The following KYNU variants were observed in gnomAD, a reference collection of about 807,000 sequenced individuals.
KYNU encodes the protein kynureninase.
Under a neutral mutation model 59.2 loss-of-function variants are expected in KYNU, and 54 were observed. The ratio of observed to expected loss-of-function variants is 0.91; its 90% CI spans 0.73 to 1.14. KYNU has a LOEUF of 1.14. Ranked by LOEUF, KYNU falls within the 50% of genes most tolerant of loss-of-function variation. The pLI, the probability that KYNU is intolerant of heterozygous loss-of-function variation, is 0.00. For missense variants in KYNU, 567 were observed against 554.4 expected, an observed-to-expected ratio of 1.02 and a Z score of -0.23; for synonymous variants, 177 against 192.0, an observed-to-expected ratio of 0.92 and a Z score of 0.65.
intron 1 of KYNU, among the ~76,000 whole-genome samples, chr2:142,883,293 C>T (rs1681371277): frequency 6.8e-6 from 1 of 146,958 alleles, no homozygotes; most frequent in African/African-American, 2.5e-5. Flanking sequence ...CCCCGGGGTT[C>T]ACGCCATTCT....
chr2:142,957,758 AT>A (rs1253900469), intron 7 of KYNU, 43 bp downstream of exon 7: 1 of 1,273,186 alleles, frequency 7.9e-7, no homozygotes, highest in African/African-American at 1.5e-5. Context: ...TTTGTTTAGT[AT>A]TGATTTTTTT....
At chr2:142,979,994 T>A (rs1007825455) in intron 8 of KYNU, among the ~76,000 whole-genome samples, 1 of 152,070 alleles carries the variant, frequency 6.6e-6, no homozygotes, top group African/African-American at 2.4e-5. Flanking sequence ...TGGTTGCCCA[T>A]TTTTATGGTT....
intron 2 of KYNU, among the ~76,000 whole-genome samples, chr2:142,898,119 A>T (rs1053988801): frequency 1.3e-5 from 2 of 152,152 alleles, no homozygotes; most frequent in Admixed American, 1.3e-4. Context: ...GGCTCAAGTG[A>T]TCTGCCCACC....
chr2:143,017,434 CTTTTTTTTTTT>C (rs1184177776), intron 10 of KYNU, among the ~76,000 whole-genome samples: 2 of 68,448 alleles, frequency 2.9e-5, no homozygotes, highest in African/African-American at 1.2e-4. Context: ...TCTCTTTTTT[CTTTTTTTTTTT>C]TTTTTTTTTT....
intron 10 of KYNU, among the ~76,000 whole-genome samples, chr2:143,004,195 A>G (rs189526): frequency 0.12 from 18,732 of 152,204 alleles, 1,317 homozygotes; most frequent in East Asian, 0.25. Context: ...GAGGGAATCT[A>G]ACTAATGTTT....
chr2:142,947,153 A>C, intron 4 of KYNU: 1 of 1,551,130 alleles, frequency 6.4e-7, no homozygotes, highest in Non-Finnish European at 8.7e-7. Flanking sequence ...AAATGACCTC[A>C]GTATGTGTAA....
At chr2:143,015,862 G>T (rs7573514) in intron 10 of KYNU, among the ~76,000 whole-genome samples, 2 of 152,024 alleles carry the variant, frequency 1.3e-5, no homozygotes, top group African/African-American at 2.4e-5. Flanking sequence ...CAGAACGTCA[G>T]TTTCAACAGT....
Position 142,927,715 on chromosome 2 carries a change from TTGTAGGCCTTA to T in KYNU, c.350_360del (p.Val117GlufsTer8). The T allele has an allele frequency of 6.2e-7, 1 of 1,612,248 alleles. No individual in the cohort carries two copies. ...CCTTGGATTACAGGAGATGAGAGTA[TTGTAGGCCTTA>T]TGAAGGACATTGTAGGTAAGTACAA... On this transcript the variant is annotated frameshift_variant, in exon 4 of 14. Transcript: ENST00000264170. LOFTEE classifies it high-confidence loss of function.
intron 7 of KYNU, among the ~76,000 whole-genome samples, chr2:142,958,979 T>C (rs1010923218): frequency 6.6e-5 from 10 of 152,006 alleles, no homozygotes; most frequent in African/African-American, 1.7e-4. Flanking sequence ...CTTTTCTTTA[T>C]ATAAAGTATA....
intron 10 of KYNU, among the ~76,000 whole-genome samples, chr2:143,022,796 CTT>C (rs1686445537): frequency 6.6e-6 from 1 of 151,908 alleles, no homozygotes; most frequent in South Asian, 2.1e-4. Flanking sequence ...AGCAATGTCT[CTT>C]TTATGATGTG....
At chr2:143,022,613 T>G (rs1295876776) in intron 10 of KYNU, among the ~76,000 whole-genome samples, 1 of 152,080 alleles carries the variant, frequency 6.6e-6, no homozygotes, top group African/African-American at 2.4e-5. Context: ...TAAAAAGTAT[T>G]GATAGAATTT....
At chr2:143,022,514 AAAATG>A (rs1432081005) in intron 10 of KYNU, among the ~76,000 whole-genome samples, 4 of 152,022 alleles carry the variant, frequency 2.6e-5, no homozygotes, top group Non-Finnish European at 4.4e-5. Context: ...AGCATCACAA[AAAATG>A]ATAATATCTC....
intron 8 of KYNU, among the ~76,000 whole-genome samples, chr2:142,961,835 G>T (rs1284601257): frequency 6.6e-6 from 1 of 152,166 alleles, no homozygotes; most frequent in Admixed American, 6.5e-5. Flanking sequence ...ATCAAGCCAT[G>T]TATTTAAAAA....
Position 143,042,238 on chromosome 2 carries a change from C to T in KYNU, c.*66C>T, listed in dbSNP as rs1030143498. ...CTGCTGTGGTTATTTCAGTATTATT[C>T]GATTTTTAATTATTGAAAGTATGTC... On this transcript the variant is annotated 3_prime_UTR_variant, in exon 14 of 14. Coordinates refer to ENST00000264170, the MANE Select transcript of KYNU (RefSeq NM_003937.3). 56 of 1,465,758 alleles carry T rather than the reference C, an allele frequency of 3.8e-5. No individual in the cohort carries two copies. The highest frequency in any genetic ancestry group is 5.6e-5 in the African/African-American group (4 of 71,690). The allele number at this position is 1,465,758 out of a possible 1,614,324, so 90.8% of individuals were successfully genotyped here.
At chr2:142,974,072 A>G (rs576246333) in intron 8 of KYNU, among the ~76,000 whole-genome samples, 6 of 152,350 alleles carry the variant, frequency 3.9e-5, no homozygotes, top group Non-Finnish European at 7.3e-5. Flanking sequence ...GATAGTTCAG[A>G]GCATTCATTC....
intron 10 of KYNU, among the ~76,000 whole-genome samples, chr2:143,005,394 A>T (rs1029404832): frequency 6.6e-6 from 1 of 152,196 alleles, no homozygotes; most frequent in Non-Finnish European, 1.5e-5. Flanking sequence ...AGAGAAACAG[A>T]ACAAGGCCCT....
At chr2:142,882,094 C>T (rs967675173) in intron 1 of KYNU, among the ~76,000 whole-genome samples, 1 of 151,754 alleles carries the variant, frequency 6.6e-6, no homozygotes, top group Non-Finnish European at 1.5e-5. Flanking sequence ...ATTTTTCTTC[C>T]CCAGGTATTT....
chr2:142,992,952 C>T (rs1685444870), intron 10 of KYNU, among the ~76,000 whole-genome samples: 1 of 152,044 alleles, frequency 6.6e-6, no homozygotes, highest in Non-Finnish European at 1.5e-5. Context: ...AAGGCAGCCT[C>T]TGATTAATTA....
At chr2:142,914,578 A>G (rs1307785666) in intron 2 of KYNU, among the ~76,000 whole-genome samples, 1 of 152,206 alleles carries the variant, frequency 6.6e-6, no homozygotes, top group African/African-American at 2.4e-5. Context: ...CAGCAAGTCT[A>G]TAGGCATCAT....
Sources: allele counts gnomAD v4.1 joint callset (sites outside exome capture counted in the v4.1 genomes callset), GRCh38; gene constraint gnomAD v4.1.1; transcripts MANE v1.5; gene names NCBI Gene and HGNC (gene_info 2026-07-23, HGNC 2026-07-21).